Variants in DST observed in about 807,000 individuals in gnomAD.
The protein encoded by DST is dystonin, also known as bullous pemphigoid antigen.
In DST, 253 loss-of-function variants were observed where a neutral mutation model predicts 875.2. That is an observed-to-expected ratio of 0.29 (90% CI 0.26 to 0.32). The LOEUF (loss-of-function observed/expected upper bound fraction) is 0.32, where lower values mean the gene tolerates loss of function less well. Among genes scored for constraint, DST ranks in the 10% least tolerant of loss-of-function variants. The pLI is 1.00. For synonymous variants in DST, 3,124 were observed against 3,197.1 expected (o/e 0.98, Z 0.77); for missense variants, 8,287 against 9,111.6 (o/e 0.91, Z 3.68).
chr6:56,473,169 G>T (rs1304714686), intron 93 of DST, among the ~76,000 whole-genome samples: 3 of 152,164 alleles, frequency 2.0e-5, no homozygotes, highest in Non-Finnish European at 2.9e-5. Context: ...TCTCAGTTTG[G>T]TAAGTGTTGG....
At chr6:56,695,203 C>G (rs1402029107) in intron 9 of DST, among the ~76,000 whole-genome samples, 1 of 151,212 alleles carries the variant, frequency 6.6e-6, no homozygotes, top group African/African-American at 2.4e-5. Flanking sequence ...CCTTCTCTCT[C>G]TCTCTTACCA....
intron 4 of DST, among the ~76,000 whole-genome samples, chr6:56,757,860 A>G (rs989110744): frequency 5.9e-5 from 9 of 152,130 alleles, no homozygotes; most frequent in Non-Finnish European, 1.0e-4. Flanking sequence ...CTCCTGCTGG[A>G]CTTCTCTCAA....
chr6:56,491,174 GGTCT>G (rs1266677905), intron 85 of DST, among the ~76,000 whole-genome samples: 1 of 152,104 alleles, frequency 6.6e-6, no homozygotes, highest in African/African-American at 2.4e-5. Flanking sequence ...TTCAAAATGG[GGTCT>G]ATGGTGTGTA....
intron 3 of DST, among the ~76,000 whole-genome samples, chr6:56,857,915 T>G (rs944514164): frequency 1.3e-5 from 2 of 152,220 alleles, no homozygotes; most frequent in East Asian, 1.9e-4. Context: ...AAGGAAAATG[T>G]GCTTAACTCC....
intron 5 of DST, among the ~76,000 whole-genome samples, chr6:56,713,172 G>GT (rs2099383869): frequency 6.6e-6 from 1 of 152,212 alleles, no homozygotes; most frequent in Non-Finnish European, 1.5e-5. Flanking sequence ...GCAGGGCATG[G>GT]TATGATTCCA....
intron 62 of DST, among the ~76,000 whole-genome samples, chr6:56,535,905 G>A (rs1006633505): frequency 4.6e-5 from 7 of 152,192 alleles, no homozygotes; most frequent in Non-Finnish European, 8.8e-5. Context: ...ACTGAATAAA[G>A]TAGCTGGCAA....
chr6:56,625,051 G>T lies in DST; in HGVS notation c.4830+106C>A, dbSNP rs2098721316. On this transcript the variant is annotated intron_variant, in intron 35 of 103. Transcript: ENST00000680361. Reference sequence around the variant, plus strand: ...CTGTACATTTAAAATTGTTAAAATAGTAAGTTTTATACTATGTATATTTTA... The same window carrying T: ...CTGTACATTTAAAATTGTTAAAATATTAAGTTTTATACTATGTATATTTTA... 3.7e-6 allele frequency: 3 copies of T among 805,364 alleles called. No homozygotes were observed. In the African/African-American group the frequency reaches 5.2e-5, roughly 14 times the overall value. The allele number at this position is 805,364 out of a possible 1,614,324, so 49.9% of individuals were successfully genotyped here. A position where few individuals can be genotyped will look rare whatever the true frequency, so the allele number is the denominator to read the frequency against.
chr6:56,890,064 C>G (rs940387608), intron 3 of DST, among the ~76,000 whole-genome samples: 5 of 151,876 alleles, frequency 3.3e-5, no homozygotes, highest in Non-Finnish European at 7.3e-5. Flanking sequence ...GGATAAATGT[C>G]TAGCACTAGA....
intron 4 of DST, among the ~76,000 whole-genome samples, chr6:56,782,678 C>CT (rs1317188036): frequency 3.9e-5 from 6 of 152,092 alleles, no homozygotes; most frequent in African/African-American, 1.4e-4. Context: ...AAACCAGCTC[C>CT]TGGATTCATT....
chr6:56,616,243 C>A (rs769369001), intron 36 of DST: 23 of 1,613,990 alleles, frequency 1.4e-5, no homozygotes, highest in Non-Finnish European at 1.8e-5. Flanking sequence ...TTGTTCCCTG[C>A]TCTATAGCCT....
intron 9 of DST, among the ~76,000 whole-genome samples, chr6:56,684,546 A>T (rs1425586979): frequency 3.3e-5 from 5 of 152,184 alleles, no homozygotes; most frequent in Admixed American, 2.0e-4. Flanking sequence ...AGGTGACGTC[A>T]TTTGCGTAGG....
Position 56,494,145 on chromosome 6 carries a change from T to C in DST, c.20259A>G (p.Thr6753=), listed in dbSNP as rs769282386. The part of the protein sequence containing the change: ...VCAAFEAKEE[T]YKSLMQKGQQ... The stretch of plus-strand genomic sequence containing the variant: ...GGCCTTTCTGCATCAGACTCTTATA[T>C]GTTTCTTCTTTAGCTTCAAAGGCAG... The change falls in exon 83 of 104, where the codon ACA becomes ACG. Residue 6753 remains threonine, a synonymous_variant. Transcript: ENST00000680361. The C allele has an allele frequency of 6.2e-7, 1 of 1,608,052 alleles. No individual in the cohort carries two copies. The highest frequency in any genetic ancestry group is 8.5e-7 in the Non-Finnish European group (1 of 1,176,262).
intron 9 of DST, among the ~76,000 whole-genome samples, chr6:56,689,943 G>A (rs1407339167): frequency 6.6e-6 from 1 of 152,158 alleles, no homozygotes; most frequent in Non-Finnish European, 1.5e-5. Context: ...CAAGGTACAA[G>A]GTGAGTCTTC....
chr6:56,871,606 A>C, intron 3 of DST: 5 of 780,812 alleles, frequency 6.4e-6, no homozygotes, highest in Non-Finnish European at 1.1e-5. Flanking sequence ...ATTAACCCAT[A>C]CATGAGCTCT....
At position 56,458,751 on chromosome 6, in the gene DST, C is replaced by G; in HGVS notation, c.*254G>C. ...ACAGTAACTGAGTTTAGTGTGTGCC[C>G]GGCACGTTACAGTGCAGAAATGTTA... On this transcript the variant is annotated 3_prime_UTR_variant, in exon 104 of 104. Coordinates refer to ENST00000680361, the MANE Select transcript of DST (RefSeq NM_001374736.1). The G allele has an allele frequency of 3.1e-6, 1 of 323,822 alleles. No individual in the cohort carries two copies. The highest frequency in any genetic ancestry group is 4.5e-5 in the Admixed American group (1 of 21,996). The allele number at this position is 323,822 out of a possible 1,614,324, so 20.1% of individuals were successfully genotyped here.
chr6:56,485,233 G>C (rs764829529), intron 88 of DST, 79 bp downstream of exon 88: 48 of 1,490,082 alleles, frequency 3.2e-5, no homozygotes, highest in Non-Finnish European at 4.5e-5. Flanking sequence ...ATTTTAAAAG[G>C]CTAATTTAAA....
chr6:56,645,789 T>C (rs2098939118), intron 15 of DST, 77 bp downstream of exon 15: 6 of 1,541,832 alleles, frequency 3.9e-6, no homozygotes, highest in Non-Finnish European at 4.4e-6. Context: ...AACAGAGGTT[T>C]AACTTAAGTT....
intron 64 of DST, among the ~76,000 whole-genome samples, chr6:56,531,971 C>T (rs140716773): frequency 0.018 from 2,701 of 152,288 alleles, 73 homozygotes; most frequent in African/African-American, 0.061. Context: ...TTTATCATTA[C>T]TTCTCAATGG....
chr6:56,928,488 A>G (rs1808400182), intron 2 of DST, among the ~76,000 whole-genome samples: 1 of 152,216 alleles, frequency 6.6e-6, no homozygotes, highest in Non-Finnish European at 1.5e-5. Context: ...ATGCTAATTA[A>G]GGAAACATCA....
Sources: gnomAD v4.1 joint callset for allele counts (sites outside exome capture counted in the v4.1 genomes callset) on GRCh38, gnomAD v4.1.1 for gene constraint, MANE v1.5 for transcripts, NCBI Gene and HGNC (gene_info 2026-07-23, HGNC 2026-07-21) for gene names.